The following CSMD1 variants were observed in gnomAD, a reference collection of about 807,000 sequenced individuals.
CSMD1 encodes CUB and sushi domain-containing protein 1.
A neutral mutation model predicts 417.5 loss-of-function variants in CSMD1; 213 were observed. The ratio of observed to expected loss-of-function variants is 0.51; its 90% confidence interval spans 0.46 to 0.57. The LOEUF is 0.57. CSMD1 is among the 20% of genes least tolerant of loss of function. The pLI is 0.00. For synonymous variants in CSMD1, 2,862 were observed against 1,736.8 expected (o/e 1.65, Z -16.11); for missense variants, 6,923 against 4,529.7 (o/e 1.53, Z -15.17).
chr8:4,480,653 G>C (rs1331547899), intron 2 of CSMD1, among the ~76,000 whole-genome samples: 1 of 152,212 alleles, frequency 6.6e-6, no homozygotes, highest in African/African-American at 2.4e-5. Flanking sequence ...AAATAGGCTT[G>C]CATTTACTAA....
chr8:4,604,863 A>C (rs1800785357), intron 2 of CSMD1, among the ~76,000 whole-genome samples: 1 of 152,204 alleles, frequency 6.6e-6, no homozygotes, highest in Admixed American at 6.5e-5. Context: ...AGCAAAAGGT[A>C]ATTATTGAAG....
chr8:3,359,786 G>A (rs1809037005), intron 20 of CSMD1, among the ~76,000 whole-genome samples: 1 of 152,068 alleles, frequency 6.6e-6, no homozygotes, highest in African/African-American at 2.4e-5. Flanking sequence ...AAATATTTGA[G>A]GTGATGGGAT....
intron 3 of CSMD1, among the ~76,000 whole-genome samples, chr8:4,384,914 T>C (rs1443236752): frequency 6.6e-6 from 1 of 152,200 alleles, no homozygotes; most frequent in Non-Finnish European, 1.5e-5. Context: ...GCTGGATGGC[T>C]TCCAGATCAA....
At chr8:3,648,247 T>A (rs1019913317) in intron 7 of CSMD1, among the ~76,000 whole-genome samples, 21 of 152,228 alleles carry the variant, frequency 1.4e-4, no homozygotes, top group South Asian at 1.0e-3. Flanking sequence ...ACTTTGCTAT[T>A]CCCCAAATTA....
chr8:3,785,972 T>C (rs1266793746), intron 5 of CSMD1, among the ~76,000 whole-genome samples: 1 of 152,200 alleles, frequency 6.6e-6, no homozygotes, highest in African/African-American at 2.4e-5. Flanking sequence ...CTCTGCAGTT[T>C]TCCCCAGGAG....
At chr8:4,394,823 A>G (rs1383624311) in intron 3 of CSMD1, among the ~76,000 whole-genome samples, 1 of 151,714 alleles carries the variant, frequency 6.6e-6, no homozygotes, top group African/African-American at 2.4e-5. Flanking sequence ...AAATTTCTGG[A>G]TTTTTTCATG....
chr8:4,454,675 G>T (rs1237442148), intron 2 of CSMD1, among the ~76,000 whole-genome samples: 4 of 152,170 alleles, frequency 2.6e-5, no homozygotes, highest in African/African-American at 7.2e-5. Flanking sequence ...TATTATCTTA[G>T]CATGTTCTCT....
At chr8:4,706,742 G>A (rs559422083) in intron 1 of CSMD1, among the ~76,000 whole-genome samples, 4 of 152,146 alleles carry the variant, frequency 2.6e-5, no homozygotes, top group African/African-American at 9.7e-5. Context: ...GGAGGCAGAG[G>A]GTCAGAGAGA....
At chr8:3,055,849 G>C (rs987823908) in intron 49 of CSMD1, among the ~76,000 whole-genome samples, 1 of 152,180 alleles carries the variant, frequency 6.6e-6, no homozygotes, top group Non-Finnish European at 1.5e-5. Flanking sequence ...CTCAATAACA[G>C]TGTGGCTTCA....
intron 3 of CSMD1, among the ~76,000 whole-genome samples, chr8:4,122,844 A>G (rs1245766051): frequency 6.6e-6 from 1 of 152,230 alleles, no homozygotes; most frequent in Non-Finnish European, 1.5e-5. Flanking sequence ...GAGTTCACAG[A>G]GAACAGAAAC....
chr8:3,269,227 G>A (rs1359363549), intron 26 of CSMD1, among the ~76,000 whole-genome samples: 1 of 152,234 alleles, frequency 6.6e-6, no homozygotes, highest in African/African-American at 2.4e-5. Context: ...TTGGGCCTAT[G>A]CTGTTCACAA....
At chr8:3,549,061 C>A (rs909425061) in intron 10 of CSMD1, among the ~76,000 whole-genome samples, 1 of 152,216 alleles carries the variant, frequency 6.6e-6, no homozygotes, top group Non-Finnish European at 1.5e-5. Context: ...CTGATATCAA[C>A]CCCACTTCCC....
At chr8:3,052,153 A>C (rs1042703267) in intron 50 of CSMD1, among the ~76,000 whole-genome samples, 1 of 152,142 alleles carries the variant, frequency 6.6e-6, no homozygotes, top group South Asian at 2.1e-4. Context: ...TAATGTCTCA[A>C]TTTCCTCTAG....
At chr8:3,437,384 T>C (rs1456732688) in intron 12 of CSMD1, among the ~76,000 whole-genome samples, 3 of 152,170 alleles carry the variant, frequency 2.0e-5, no homozygotes, top group Admixed American at 1.3e-4. Context: ...TAAAACCCTC[T>C]TTGGCAATTC....
chr8:4,812,879 C>G (rs1315013124), intron 1 of CSMD1, among the ~76,000 whole-genome samples: 1 of 152,110 alleles, frequency 6.6e-6, no homozygotes, highest in Non-Finnish European at 1.5e-5. Context: ...TTTTATTACA[C>G]CCTTGAGAAA....
chr8:4,247,573 A>T (rs915242636), intron 3 of CSMD1, among the ~76,000 whole-genome samples: 1 of 152,254 alleles, frequency 6.6e-6, no homozygotes, highest in Non-Finnish European at 1.5e-5. Flanking sequence ...GCATAATACC[A>T]CCATTCTTGT....
intron 17 of CSMD1, among the ~76,000 whole-genome samples, chr8:3,392,540 T>C (rs1332444802): frequency 6.6e-6 from 1 of 152,110 alleles, no homozygotes; most frequent in Non-Finnish European, 1.5e-5. Context: ...CCGTGACCTC[T>C]GCTGGCCTTG....
chr8:4,355,660 T>C (rs1265684749), intron 3 of CSMD1, among the ~76,000 whole-genome samples: 7 of 152,196 alleles, frequency 4.6e-5, no homozygotes, highest in Non-Finnish European at 7.3e-5. Context: ...AAGCATGCTA[T>C]AAAACCTCCA....
chr8:4,644,871 G>C (rs1585383086), intron 1 of CSMD1, among the ~76,000 whole-genome samples: 2 of 152,334 alleles, frequency 1.3e-5, no homozygotes, highest in East Asian at 1.9e-4. Flanking sequence ...GTGCCTGCTA[G>C]TTGACATTCA....
Sources: allele counts gnomAD v4.1 joint callset (sites outside exome capture counted in the v4.1 genomes callset), GRCh38; gene constraint gnomAD v4.1.1; transcripts MANE v1.5; gene names NCBI Gene and HGNC (gene_info 2026-07-23, HGNC 2026-07-21).